USP37: variants seen among roughly 807,000 people sequenced by gnomAD.
The protein encoded by USP37 is ubiquitin specific peptidase 37.
In USP37, 27 loss-of-function variants were observed where a neutral mutation model predicts 124.0. That is an observed-to-expected ratio of 0.22 (90% confidence interval 0.16 to 0.30). USP37 has a LOEUF of 0.30. Among genes scored for constraint, USP37 ranks in the 10% least tolerant of loss-of-function variants. USP37 has a pLI of 1.00. For synonymous variants in USP37, 365 were observed against 388.0 expected, an observed-to-expected ratio of 0.94 and a Z score of 0.70; for missense variants, 889 against 1,140.4, an observed-to-expected ratio of 0.78 and a Z score of 3.17.
At chr2:218,476,497 C>T (rs1336141757) in intron 19 of USP37, among the ~76,000 whole-genome samples, 2 of 152,146 alleles carry the variant, frequency 1.3e-5, no homozygotes, top group East Asian at 1.9e-4. Context: ...ATTGTTTGAG[C>T]CCAGGAGAAC....
At chr2:218,567,933 G>A (rs1693733158) in intron 1 of USP37, among the ~76,000 whole-genome samples, 1 of 152,176 alleles carries the variant, frequency 6.6e-6, no homozygotes, top group South Asian at 2.1e-4. Context: ...CAGAGAAAAG[G>A]GGCCAGGTTT....
At chr2:218,533,193 A>G (rs1691430806) in intron 9 of USP37, among the ~76,000 whole-genome samples, 1 of 152,112 alleles carries the variant, frequency 6.6e-6, no homozygotes, top group Admixed American at 6.6e-5. Context: ...TCCTGCCCCC[A>G]AGTTCCACAA....
At chr2:218,546,417 T>C (rs183697046) in intron 7 of USP37, 119 bp from the exon 8 acceptor site, 6 of 648,232 alleles carry the variant, frequency 9.3e-6, no homozygotes, top group East Asian at 2.9e-5. Context: ...CTCTACACCA[T>C]ATTTAATTAT....
At chr2:218,493,819 GC>G (rs1446957881) in intron 14 of USP37, among the ~76,000 whole-genome samples, 1 of 152,032 alleles carries the variant, frequency 6.6e-6, no homozygotes, top group East Asian at 1.9e-4. Context: ...CCACTGTCCA[GC>G]TCCCCAGACC....
intron 5 of USP37, among the ~76,000 whole-genome samples, chr2:218,550,820 G>GT (rs959014934): frequency 8.6e-5 from 13 of 150,642 alleles, no homozygotes; most frequent in African/African-American, 2.0e-4. Context: ...TTCTCTACTA[G>GT]TTTTTTTTTA....
Position 218,540,487 on chromosome 2 carries a change from A to G in USP37, c.680+5734T>C, listed in dbSNP as rs910023526. On this transcript the variant is annotated intron_variant, in intron 8 of 25. Coordinates refer to ENST00000258399, the MANE Select transcript of USP37 (RefSeq NM_020935.3). ...CTGCATCCCTATAAAAATAAAAATA[A>G]AAATAGCCAAGACTAGCCAGGTATG... Among the ~76,000 whole-genome samples, 35 of 152,082 alleles carry G rather than the reference A, an allele frequency of 2.3e-4. 1 individual carries two copies. Among genetic ancestry groups the G allele is most frequent in the Non-Finnish European group, 7.4e-5 (5 of 68,010 alleles).
At chr2:218,487,881 ATGT>A (rs1417177077) in intron 15 of USP37, among the ~76,000 whole-genome samples, 1 of 151,528 alleles carries the variant, frequency 6.6e-6, no homozygotes, top group Non-Finnish European at 1.5e-5. Context: ...CCCACGAATA[ATGT>A]TGTTGAAACT....
intron 4 of USP37, among the ~76,000 whole-genome samples, chr2:218,555,022 C>T (rs1423821673): frequency 1.3e-5 from 2 of 152,100 alleles, no homozygotes; most frequent in Admixed American, 6.6e-5. Flanking sequence ...TCTCTCTCCA[C>T]AGAACTGGTT....
At chr2:218,468,278 C>T (rs1371780744) in intron 20 of USP37, among the ~76,000 whole-genome samples, 1 of 151,964 alleles carries the variant, frequency 6.6e-6, no homozygotes, top group Non-Finnish European at 1.5e-5. Context: ...GATTGTGGCT[C>T]ATTGCAACCT....
chr2:218,463,391 A>C (rs1254199592), intron 21 of USP37, 25 bp from the exon 22 acceptor site: 3 of 1,608,158 alleles, frequency 1.9e-6, no homozygotes, highest in Non-Finnish European at 2.6e-6. Context: ...ACAAAAACTA[A>C]GGTATTTAAA....
intron 6 of USP37, among the ~76,000 whole-genome samples, chr2:218,549,160 T>G (rs1456446233): frequency 6.6e-6 from 1 of 152,160 alleles, no homozygotes; most frequent in South Asian, 2.1e-4. Context: ...TAAGGACATA[T>G]GTAAGTCAAA....
At chr2:218,533,199 C>T (rs58250043) in intron 9 of USP37, among the ~76,000 whole-genome samples, 2,701 of 152,112 alleles carry the variant, frequency 0.018, 87 homozygotes, top group African/African-American at 0.061. Context: ...CCCCAAGTTC[C>T]ACAAGTTGTA....
rs1233264201 is a variant in USP37, at chr2:218,451,782, T to G, written c.*3148A>C. On this transcript the variant is annotated 3_prime_UTR_variant, in exon 26 of 26. Transcript: ENST00000258399. ...ACTGATCTGTAAGAACCACTGCATA[T>G]GTCTTAAAATGTAAACATATTTACA... is the stretch of plus-strand genomic sequence containing the variant. 6.6e-6 allele frequency: 1 copy of G among 152,666 alleles called. No individual in the cohort carries two copies. Among genetic ancestry groups the G allele is most frequent in the Non-Finnish European group, 1.5e-5 (1 of 68,046 alleles). The allele number at this position is 152,666 out of a possible 1,614,324, so 9.5% of individuals were successfully genotyped here.
chr2:218,557,030 T>C (rs1693024844), intron 4 of USP37, among the ~76,000 whole-genome samples: 1 of 151,944 alleles, frequency 6.6e-6, no homozygotes, highest in Non-Finnish European at 1.5e-5. Flanking sequence ...GCTTGGCTAT[T>C]TGTTTCTGAA....
Position 218,530,007 on chromosome 2 carries a change from C to T in USP37, c.812G>A (p.Gly271Asp). The change falls in exon 10 of 26, where the codon GGT (glycine) becomes GAT (aspartate). Residue 271 changes from glycine (G) to aspartate (D), a missense_variant. Coordinates refer to ENST00000258399, the MANE Select transcript of USP37 (RefSeq NM_020935.3). ...LLPLQSSSFYGSRAGSKEHSS... is the reference protein window; with the variant it reads ...LLPLQSSSFYDSRAGSKEHSS... ...GTGTTCCTTGGATCCAGCTCTGCTA[C>T]CATAAAAGGATGATGACTGTAAAGG... 6.2e-7 allele frequency: 1 copy of T among 1,613,312 alleles called. No individual in the cohort carries two copies. The highest frequency in any genetic ancestry group is 1.7e-5 in the Admixed American group (1 of 59,770).
Position 218,497,828 on chromosome 2 carries a change from T to C in USP37, c.1187A>G (p.Asp396Gly). 1 of 1,614,048 alleles carries C rather than the reference T, an allele frequency of 6.2e-7. No individual in the cohort carries two copies. Among genetic ancestry groups the C allele is most frequent in the Non-Finnish European group, 8.5e-7 (1 of 1,180,030 alleles). Residue 396 changes from aspartate to glycine, a missense_variant, in exon 13 of 26, where the codon GAT becomes GGT. Physicochemically the swap from Asp to Gly is moderately conservative, Grantham distance 94. Coordinates refer to ENST00000258399, the MANE Select transcript of USP37 (RefSeq NM_020935.3). ...CTTTTTGGTCTCTGAATTACAGATA[T>C]CTTTTTTAACAAGCAAGTGTGCAAA... The part of the protein sequence containing the change: ...RRFAHLLVKK[D>G]ICNSETKKDL...
chr2:218,467,197 C>G (rs1405222105), intron 20 of USP37, among the ~76,000 whole-genome samples: 2 of 150,850 alleles, frequency 1.3e-5, no homozygotes, highest in Non-Finnish European at 3.0e-5. Flanking sequence ...CCCCCTCCCC[C>G]TGCCCAGGCT....
intron 8 of USP37, among the ~76,000 whole-genome samples, chr2:218,539,342 C>T (rs1457127228): frequency 2.0e-5 from 3 of 152,278 alleles, no homozygotes; most frequent in East Asian, 1.9e-4. Flanking sequence ...AAGTAACATA[C>T]ATTTTTGTTT....
rs566953866 is a variant in USP37, at chr2:218,495,033, T to A, written c.1472+727A>T. ...AATCGATATTCTACAATGGAAAAGA[T>A]GTAGAATGAAAAAAATAAAACTATA... On this transcript the variant is annotated intron_variant, in intron 14 of 25. Transcript: ENST00000258399. 1.2e-4 allele frequency among the ~76,000 whole-genome samples: 18 copies of A among 152,182 alleles called. 1 individual carries two copies. The Middle Eastern group carries it at 0.014, about 115-fold the overall frequency.
Sources: gnomAD v4.1 joint callset for allele counts (sites outside exome capture counted in the v4.1 genomes callset) on GRCh38, gnomAD v4.1.1 for gene constraint, MANE v1.5 for transcripts, NCBI Gene and HGNC (gene_info 2026-07-23, HGNC 2026-07-21) for gene names.